PHF20L1: variants seen among roughly 807,000 people sequenced by gnomAD.
PHF20L1 encodes the protein PHD finger protein 20 like 1, also known as PHD finger protein 20-like protein 1.
PHF20L1 carries 44 observed loss-of-function variants against 125.5 expected under a neutral mutation model. That is an observed-to-expected ratio of 0.35 (90% CI 0.28 to 0.45). The LOEUF (loss-of-function observed/expected upper bound fraction) is 0.45. PHF20L1 is among the 20% of genes least tolerant of loss of function. The pLI is 1.00. For synonymous variants in PHF20L1, 380 were observed against 403.1 expected (o/e 0.94, Z 0.69); for missense variants, 1,012 against 1,217.2 (o/e 0.83, Z 2.51).
intron 18 of PHF20L1, chr8:132,841,987 T>C (rs970936674): frequency 5.9e-5 from 9 of 152,294 alleles, no homozygotes; most frequent in African/African-American, 2.2e-4. Flanking sequence ...AAAGGCAGAT[T>C]GTATGTGTCC....
At chr8:132,840,739 A>G (rs1216068325) in intron 18 of PHF20L1, among the ~76,000 whole-genome samples, 1 of 152,090 alleles carries the variant, frequency 6.6e-6, no homozygotes, top group African/African-American at 2.4e-5. Flanking sequence ...TGCCTTTCAT[A>G]ATTACCTGCC....
intron 4 of PHF20L1, among the ~76,000 whole-genome samples, chr8:132,797,052 T>C (rs570167550): frequency 1.8e-4 from 28 of 152,052 alleles, no homozygotes; most frequent in Admixed American, 6.6e-5. Flanking sequence ...AGGCATTTAA[T>C]ACAGAAAATT....
chr8:132,790,888 T>C (rs1478298718), intron 2 of PHF20L1, among the ~76,000 whole-genome samples: 33 of 152,154 alleles, frequency 2.2e-4, no homozygotes, highest in Non-Finnish European at 4.4e-5. Flanking sequence ...TATTAAAGCA[T>C]CTTATATACA....
intron 15 of PHF20L1, among the ~76,000 whole-genome samples, chr8:132,835,340 G>A (rs2131872065): frequency 6.6e-6 from 1 of 152,232 alleles, no homozygotes; most frequent in East Asian, 1.9e-4. Flanking sequence ...CTGCTGATTA[G>A]CCTCTGTCAG....
chr8:132,801,345 A>G (rs1213044966), intron 6 of PHF20L1, among the ~76,000 whole-genome samples: 2 of 151,660 alleles, frequency 1.3e-5, no homozygotes, highest in Non-Finnish European at 3.0e-5. Context: ...AGGTATGGCT[A>G]ATATTTCTGT....
At chr8:132,815,241 A>AT (rs1834830775) in intron 10 of PHF20L1, 2 of 158,686 alleles carry the variant, frequency 1.3e-5, no homozygotes, top group African/African-American at 2.4e-5. Flanking sequence ...ATTCCTGTAG[A>AT]TTTTTTGTCC....
At chr8:132,780,931 A>G (rs1026032385) in intron 2 of PHF20L1, among the ~76,000 whole-genome samples, 1 of 144,742 alleles carries the variant, frequency 6.9e-6, no homozygotes, top group African/African-American at 2.6e-5. Context: ...TAAAACCTCT[A>G]CCTCCTGGGC....
chr8:132,786,288 A>T (rs955573579), intron 2 of PHF20L1, among the ~76,000 whole-genome samples: 18 of 152,116 alleles, frequency 1.2e-4, no homozygotes, highest in African/African-American at 3.6e-4. Flanking sequence ...ACTTAGTCAT[A>T]GTTGAGATGT....
chr8:132,794,632 AT>A (rs759507786), intron 3 of PHF20L1, 51 bp downstream of exon 3: 1 of 1,515,014 alleles, frequency 6.6e-7, no homozygotes, highest in Admixed American at 1.8e-5. Context: ...ATGTAATGAC[AT>A]ATTTTAAAAG....
At chr8:132,812,409 A>G (rs1834499854) in intron 9 of PHF20L1, 2 of 985,008 alleles carry the variant, frequency 2.0e-6, no homozygotes, top group South Asian at 4.7e-5. Context: ...TGTAGAGGGC[A>G]GTACCCGTCT....
At chr8:132,828,377 G>A (rs1836421473) in intron 14 of PHF20L1, among the ~76,000 whole-genome samples, 1 of 151,922 alleles carries the variant, frequency 6.6e-6, no homozygotes, top group South Asian at 2.1e-4. Context: ...GCTAGCTAGT[G>A]GTGAAAAGCA....
intron 12 of PHF20L1, among the ~76,000 whole-genome samples, chr8:132,820,772 A>T (rs144671036): frequency 2.6e-5 from 4 of 151,966 alleles, no homozygotes; most frequent in Non-Finnish European, 4.4e-5. Flanking sequence ...AAAGATTATG[A>T]TGTAGGATTA....
Position 132,804,739 on chromosome 8 carries a change from T to G in PHF20L1, c.846T>G (p.Thr282=). The G allele has an allele frequency of 6.3e-7, 1 of 1,594,186 alleles. No individual in the cohort carries two copies. Among genetic ancestry groups the G allele is most frequent in the Admixed American group, 1.8e-5 (1 of 55,784 alleles). ...AGAGAGCTCGACTTAACAAGATTAC[T>G]GGTAAACTACAATGATTTTTTTTTT... ...QAKRARLNKI[T]GLLASKAVGV... Residue 282 remains threonine (T), a splice_region_variant and synonymous_variant, in exon 8 of 21, where the codon ACT becomes ACG. Transcript: ENST00000395386.
intron 17 of PHF20L1, among the ~76,000 whole-genome samples, chr8:132,838,839 GA>G (rs755227026): frequency 6.6e-6 from 1 of 152,114 alleles, no homozygotes; most frequent in Non-Finnish European, 1.5e-5. Flanking sequence ...TGAGATGATT[GA>G]TTTAAACCAT....
chr8:132,785,417 T>A (rs1830903163), intron 2 of PHF20L1, among the ~76,000 whole-genome samples: 1 of 152,184 alleles, frequency 6.6e-6, no homozygotes, highest in Non-Finnish European at 1.5e-5. Flanking sequence ...TTTTTAATTT[T>A]GGTTTTAAGT....
Position 132,839,371 on chromosome 8 carries a change from T to A in PHF20L1, c.2192-16T>A. On this transcript the variant is annotated splice_polypyrimidine_tract_variant and intron_variant, in intron 17 of 20. Coordinates refer to ENST00000395386, the MANE Select transcript of PHF20L1 (RefSeq NM_016018.5). ...AAGTGCAGTCCTCTGTGATTTAATA[T>A]CAACTTCATCTGCAGGTCAGAGGTG... 1 of 1,597,184 alleles carries A rather than the reference T, an allele frequency of 6.3e-7. No homozygotes were observed. Among genetic ancestry groups the A allele is most frequent in the Non-Finnish European group, 8.6e-7 (1 of 1,165,708 alleles).
chr8:132,800,159 G>A (rs1190631417), intron 6 of PHF20L1, among the ~76,000 whole-genome samples: 2 of 151,140 alleles, frequency 1.3e-5, no homozygotes, highest in Non-Finnish European at 3.0e-5. Flanking sequence ...GGGACACTGA[G>A]CCAATTTGGT....
intron 12 of PHF20L1, chr8:132,817,791 C>G (rs894939710): frequency 2.4e-5 from 9 of 376,564 alleles, no homozygotes; most frequent in East Asian, 4.5e-5. Flanking sequence ...TTCCTTCTCC[C>G]TGCTTCTTTT....
rs754892219 is a variant in PHF20L1 at position 132,817,453 on chromosome 8, A to C, written c.1487A>C (p.Glu496Ala). The change falls in exon 12 of 21, where the codon GAA becomes GCA. Residue 496 changes from glutamate (E) to alanine (A), a missense_variant. Around this residue, in one of 7 missense-constraint regions of PHF20L1, gnomAD observed 320 missense variants for 293.8 expected, o/e 1.09. Transcript: ENST00000395386. The part of the protein sequence containing the change: ...PVASDSSYRN[E>A]CPRAEKEDTQ... ...GCCTCAGATTCCTCTTACCGTAATG[A>C]ATGTCCCAGGGCAGAAAAAGAGGAT... is the stretch of plus-strand genomic sequence containing the variant. 4 of 1,612,740 alleles carry C rather than the reference A, an allele frequency of 2.5e-6. No individual in the cohort carries two copies. In the Admixed American group the frequency reaches 5.0e-5, roughly 20 times the overall value.
Sources: allele counts gnomAD v4.1 joint callset (sites outside exome capture counted in the v4.1 genomes callset), GRCh38; gene constraint gnomAD v4.1.1; regional missense constraint gnomAD v4.1.1; transcripts MANE v1.5; gene names NCBI Gene and HGNC (gene_info 2026-07-23, HGNC 2026-07-21).